The following SMIM5 variants were observed in gnomAD, a reference collection of about 807,000 sequenced individuals.
The protein encoded by SMIM5 is small integral membrane protein 5.
In SMIM5, 4 loss-of-function variants were observed where a neutral mutation model predicts 4.0. That is an observed-to-expected ratio of 1.01 (90% CI 0.50 to 2.30). The LOEUF (loss-of-function observed/expected upper bound fraction) is 2.30, where lower values mean the gene tolerates loss of function less well. SMIM5 is among the 30% of genes most tolerant of loss of function. The probability of loss-of-function intolerance (pLI) is 0.02; values close to 1 mark genes in which losing one functional copy is unlikely to be tolerated. For synonymous variants in SMIM5, 46 were observed against 43.6 expected, an observed-to-expected ratio of 1.05 and a Z score of -0.22; for missense variants, 107 against 99.2, an observed-to-expected ratio of 1.08 and a Z score of -0.34.
At position 75,640,191 on chromosome 17, in the gene SMIM5, G is replaced by GT; in HGVS notation, c.-11_-10insT. 1 of 1,542,458 alleles carries GT rather than the reference G, an allele frequency of 6.5e-7. No individual in the cohort carries two copies. Among genetic ancestry groups the GT allele is most frequent in the Non-Finnish European group, 8.7e-7 (1 of 1,143,656 alleles). The stretch of plus-strand genomic sequence containing the variant: ...AGCCCGGCAGGAGCCCCAACAGGAA[G>GT]CCAGCGCGGCATGGCTGCCACCGAC... On this transcript the variant is annotated 5_prime_UTR_variant, in exon 2 of 3. Transcript: ENST00000375215. The surrounding 1 kb of genome is among the most constrained non-coding windows in gnomAD (Gnocchi z 4.6).
Position 75,636,069 on chromosome 17 carries a change from C to G in SMIM5, c.-37+1867C>G, listed in dbSNP as rs559621016. On this transcript the variant is annotated intron_variant, in intron 1 of 2. Coordinates refer to ENST00000375215, the MANE Select transcript of SMIM5 (RefSeq NM_001162995.3). This position sits in a 1 kb window ranked among gnomAD's most constrained non-coding sequence, Gnocchi z 5.4. ...TGACCGCTACTGCAGCCAGGGCACA[C>G]CCTCTGAAGGCTCCAAGCAGGGCTG... Among the ~76,000 whole-genome samples, 250 of 152,342 alleles carry G rather than the reference C, an allele frequency of 1.6e-3. 1 individual carries two copies. The highest frequency in any genetic ancestry group is 4.7e-3 in the African/African-American group (197 of 41,574).
chr17:75,640,905 G>T lies in SMIM5; in HGVS notation c.*8G>T. ...CAGCCGACACCACCATGACGGACGGGCGATGGCTGAGGAGAAGCTGGAGAG... is the reference window on the plus strand; with the variant it reads ...CAGCCGACACCACCATGACGGACGGTCGATGGCTGAGGAGAAGCTGGAGAG... On this transcript the variant is annotated 3_prime_UTR_variant, in exon 3 of 3. Transcript: ENST00000375215. This position sits in a 1 kb window ranked among gnomAD's most constrained non-coding sequence, Gnocchi z 4.6. The T allele has an allele frequency of 1.3e-6, 2 of 1,542,124 alleles. No homozygotes were observed. The highest frequency in any genetic ancestry group is 8.7e-7 in the Non-Finnish European group (1 of 1,146,618).
intron 1 of SMIM5, chr17:75,637,229 T>C (rs1291030611): frequency 6.6e-6 from 1 of 152,448 alleles, no homozygotes; most frequent in Admixed American, 6.5e-5. Context: ...CCTGGGTCTC[T>C]GGGTGTGGCA....
rs1287510995 is a variant in SMIM5 at position 75,640,239 on chromosome 17, T to C, written c.38T>C (p.Val13Ala). 5 of 1,551,040 alleles carry C rather than the reference T, an allele frequency of 3.2e-6. No individual in the cohort carries two copies. The African/African-American group carries it at 5.5e-5, about 17-fold the overall frequency. Residue 13 changes from valine to alanine, a missense_variant, in exon 2 of 3, where the codon GTG (valine) becomes GCG (alanine). Physicochemically the swap from Val to Ala is moderately conservative, Grantham distance 64. Coordinates refer to ENST00000375215, the MANE Select transcript of SMIM5 (RefSeq NM_001162995.3). The surrounding 1 kb of genome is among the most constrained non-coding windows in gnomAD (Gnocchi z 4.6). ...ATDFVQEMRAVGERLLLKLQR... is the reference protein window; with the variant it reads ...ATDFVQEMRAAGERLLLKLQR... Reference sequence around the variant, plus strand: ...GACTTCGTGCAGGAGATGCGCGCCGTGGGCGAGAGGCTGCTGCTCAAGCTG... The same window carrying C: ...GACTTCGTGCAGGAGATGCGCGCCGCGGGCGAGAGGCTGCTGCTCAAGCTG...
At position 75,640,421 on chromosome 17, in the gene SMIM5, G is replaced by A. The variant is rs2148290419; in HGVS notation, c.127+93G>A. The A allele has an allele frequency of 2.8e-6, 4 of 1,444,364 alleles. No homozygotes were observed. The highest frequency in any genetic ancestry group is 2.5e-5 in the East Asian group (1 of 39,648). 89.5% of individuals were successfully genotyped at this position (1,444,364 alleles called of 1,614,324 possible). On this transcript the variant is annotated intron_variant, in intron 2 of 2. Coordinates refer to ENST00000375215, the MANE Select transcript of SMIM5 (RefSeq NM_001162995.3). This position sits in a 1 kb window ranked among gnomAD's most constrained non-coding sequence, Gnocchi z 4.6. ...GCCAGAGGGCTGGCAGAGGTGGCGG[G>A]TGTCTGCCGGATCAAGGAGGAAAAC...
Position 75,633,724 on chromosome 17 carries a change from C to A in SMIM5, c.-515C>A. On this transcript the variant is annotated 5_prime_UTR_variant, in exon 1 of 3. Transcript: ENST00000375215. ...GGCCTTCCTGAGGGCAGGGTGGGTG[C>A]CCCAGACCTGAGAGCGCTGCAGGAC... is the stretch of plus-strand genomic sequence containing the variant. 2 of 1,110,172 alleles carry A rather than the reference C, an allele frequency of 1.8e-6. No individual in the cohort carries two copies. Among genetic ancestry groups the A allele is most frequent in the Non-Finnish European group, 2.2e-6 (2 of 899,540 alleles). The allele number at this position is 1,110,172 out of a possible 1,614,324, so 68.8% of individuals were successfully genotyped here.
chr17:75,634,201 A>G lies in SMIM5; in HGVS notation c.-38A>G, dbSNP rs2059275911. ...CTCAGCCCCCAACACCTGAGCTCCCAGGTGAGTGGCAATGGCCACAGAAGA... is the reference window on the plus strand; with the variant it reads ...CTCAGCCCCCAACACCTGAGCTCCCGGGTGAGTGGCAATGGCCACAGAAGA... On this transcript the variant is annotated splice_region_variant and 5_prime_UTR_variant, in exon 1 of 3. Coordinates refer to ENST00000375215, the MANE Select transcript of SMIM5 (RefSeq NM_001162995.3). 1.0e-6 allele frequency: 1 copy of G among 985,390 alleles called. No individual in the cohort carries two copies. The allele number at this position is 985,390 out of a possible 1,614,324, so 61.0% of individuals were successfully genotyped here.
chr17:75,633,748 A>C lies in SMIM5; in HGVS notation c.-491A>C. ...GCCCCAGACCTGAGAGCGCTGCAGGACTCCCCTCCACAGGCTCAGGTGGAG... is the reference window on the plus strand; with the variant it reads ...GCCCCAGACCTGAGAGCGCTGCAGGCCTCCCCTCCACAGGCTCAGGTGGAG... On this transcript the variant is annotated 5_prime_UTR_variant, in exon 1 of 3. Transcript: ENST00000375215. 2 of 1,040,148 alleles carry C rather than the reference A, an allele frequency of 1.9e-6. No individual in the cohort carries two copies. The highest frequency in any genetic ancestry group is 2.3e-6 in the Non-Finnish European group (2 of 860,428). 64.4% of individuals were successfully genotyped at this position (1,040,148 alleles called of 1,614,324 possible). A position where few individuals can be genotyped will look rare whatever the true frequency, so the allele number is the denominator to read the frequency against.
At chr17:75,639,377 G>A (rs897135288) in intron 1 of SMIM5, 4 of 152,280 alleles carry the variant, frequency 2.6e-5, no homozygotes, top group African/African-American at 9.7e-5. Flanking sequence ...GCCCACAGGA[G>A]AGGCAGAAGG....
In SMIM5 at chr17:75,641,117, T is replaced by A; in HGVS notation, c.*220T>A. On this transcript the variant is annotated 3_prime_UTR_variant, in exon 3 of 3. Transcript: ENST00000375215. Reference sequence around the variant, plus strand: ...TCATCTGCCAGTGGACACTGGGTGCTGGGGAGTCAGCTGTTTCAAAGACTG... The same window carrying A: ...TCATCTGCCAGTGGACACTGGGTGCAGGGGAGTCAGCTGTTTCAAAGACTG... 1.3e-6 allele frequency: 1 copy of A among 758,596 alleles called. No homozygotes were observed. Among genetic ancestry groups the A allele is most frequent in the Non-Finnish European group, 2.0e-6 (1 of 500,754 alleles). 47.0% of individuals were successfully genotyped at this position (758,596 alleles called of 1,614,324 possible). A position where few individuals can be genotyped will look rare whatever the true frequency, so the allele number is the denominator to read the frequency against.
chr17:75,640,962 G>A lies in SMIM5; in HGVS notation c.*65G>A. ...GCCAATGCCATGACACAGGCCATCAGCCTGGCCCTGCAGCCCTTACCCCTC... is the reference window on the plus strand; with the variant it reads ...GCCAATGCCATGACACAGGCCATCAACCTGGCCCTGCAGCCCTTACCCCTC... On this transcript the variant is annotated 3_prime_UTR_variant, in exon 3 of 3. Transcript: ENST00000375215. This position sits in a 1 kb window ranked among gnomAD's most constrained non-coding sequence, Gnocchi z 4.6. 1.3e-6 allele frequency: 2 copies of A among 1,523,670 alleles called. No homozygotes were observed. Among genetic ancestry groups the A allele is most frequent in the South Asian group, 2.4e-5 (2 of 83,162 alleles). The allele number at this position is 1,523,670 out of a possible 1,614,324, so 94.4% of individuals were successfully genotyped here.
Position 75,640,780 on chromosome 17 carries a change from C to A in SMIM5, c.128-11C>A. 1 of 1,549,396 alleles carries A rather than the reference C, an allele frequency of 6.5e-7. No individual in the cohort carries two copies. Among genetic ancestry groups the A allele is most frequent in the Non-Finnish European group, 8.7e-7 (1 of 1,146,292 alleles). ...CCAACCTGAGTCCCGTGCTCTCTCC[C>A]GGCCCTCCAGCTACTGTTCTGCTGT... On this transcript the variant is annotated splice_polypyrimidine_tract_variant and intron_variant, in intron 2 of 2. Transcript: ENST00000375215. The surrounding 1 kb of genome is among the most constrained non-coding windows in gnomAD (Gnocchi z 4.6).
rs374017473 is a variant in SMIM5 at position 75,640,214 on chromosome 17, G to A, written c.13G>A (p.Asp5Asn). 1,285 of 1,549,382 alleles carry A rather than the reference G, an allele frequency of 8.3e-4. 15 individuals are homozygous for A. The South Asian group carries it at 0.014, about 17-fold the overall frequency. MAAT[D>N]FVQEMRAVGE... ...AAGCCAGCGCGGCATGGCTGCCACC[G>A]ACTTCGTGCAGGAGATGCGCGCCGT... is the stretch of plus-strand genomic sequence containing the variant. The change falls in exon 2 of 3, where the codon GAC (aspartate) becomes AAC (asparagine). Residue 5 changes from aspartate to asparagine, a missense_variant. Coordinates refer to ENST00000375215, the MANE Select transcript of SMIM5 (RefSeq NM_001162995.3). This position sits in a 1 kb window ranked among gnomAD's most constrained non-coding sequence, Gnocchi z 4.6.
At chr17:75,637,300 T>A (rs1355715851) in intron 1 of SMIM5, 1 of 152,330 alleles carries the variant, frequency 6.6e-6, no homozygotes, top group Non-Finnish European at 1.5e-5. Flanking sequence ...CTGGGCTACA[T>A]TAGGCCGTGT....
At chr17:75,639,246 C>G (rs1303013071) in intron 1 of SMIM5, 2 of 152,474 alleles carry the variant, frequency 1.3e-5, no homozygotes, top group South Asian at 4.1e-4. Context: ...GGCACCAGCC[C>G]CTGGCCACCT....
chr17:75,634,074 G>C lies in SMIM5; in HGVS notation c.-165G>C. 1 of 985,646 alleles carries C rather than the reference G, an allele frequency of 1.0e-6. No homozygotes were observed. The highest frequency in any genetic ancestry group is 4.7e-5 in the South Asian group (1 of 21,306). The allele number at this position is 985,646 out of a possible 1,614,324, so 61.1% of individuals were successfully genotyped here. ...AAAAGCCAGGCAGAGACAGCAGCTG[G>C]CTGTCAGCAGAGGAGCTGGGCTGAG... is the stretch of plus-strand genomic sequence containing the variant. On this transcript the variant is annotated 5_prime_UTR_variant, in exon 1 of 3. Transcript: ENST00000375215.
rs144509226 is a variant in SMIM5 at position 75,640,557 on chromosome 17, G to A, written c.127+229G>A. Among the ~76,000 whole-genome samples, 3 of 152,298 alleles carry A rather than the reference G, an allele frequency of 2.0e-5. No homozygotes were observed. The highest frequency in any genetic ancestry group is 6.5e-5 in the Admixed American group (1 of 15,300). On this transcript the variant is annotated intron_variant, in intron 2 of 2. Coordinates refer to ENST00000375215, the MANE Select transcript of SMIM5 (RefSeq NM_001162995.3). The surrounding 1 kb of genome is among the most constrained non-coding windows in gnomAD (Gnocchi z 4.6). ...AGCAGTACCCCGGGATCCCAAACGC[G>A]GGGATGACGGGAGCCAGGCTTGGGC... is the stretch of plus-strand genomic sequence containing the variant.
At chr17:75,639,969 G>A (rs1255512413) in intron 1 of SMIM5, 197 bp from the exon 2 acceptor site, 7 of 523,354 alleles carry the variant, frequency 1.3e-5, no homozygotes, top group East Asian at 1.0e-4. Context: ...TGTCCTCACC[G>A]GCTTCCTCCA....
Position 75,633,999 on chromosome 17 carries a change from C to T in SMIM5, c.-240C>T, listed in dbSNP as rs1328202664. 4.1e-6 allele frequency: 4 copies of T among 985,408 alleles called. No individual in the cohort carries two copies. The highest frequency in any genetic ancestry group is 4.8e-6 in the Non-Finnish European group (4 of 830,012). The allele number at this position is 985,408 out of a possible 1,614,324, so 61.0% of individuals were successfully genotyped here. A position where few individuals can be genotyped will look rare whatever the true frequency, so the allele number is the denominator to read the frequency against. On this transcript the variant is annotated 5_prime_UTR_variant, in exon 1 of 3. Coordinates refer to ENST00000375215, the MANE Select transcript of SMIM5 (RefSeq NM_001162995.3). Reference sequence around the variant, plus strand: ...CCCAAGCAGGGCTTCCTCGGGCTCCCCCTCGCGACGGTAATTTGACACTTG... The same window carrying T: ...CCCAAGCAGGGCTTCCTCGGGCTCCTCCTCGCGACGGTAATTTGACACTTG...
Sources: gnomAD v4.1 joint callset for allele counts (sites outside exome capture counted in the v4.1 genomes callset) on GRCh38, gnomAD v4.1.1 for gene constraint, Gnocchi (gnomAD v3.1) non-coding constraint, MANE v1.5 for transcripts, NCBI Gene and HGNC (gene_info 2026-07-23, HGNC 2026-07-21) for gene names.